Variants in NCKAP5 observed in about 807,000 individuals in gnomAD.
The protein encoded by NCKAP5 is NCK associated protein 5.
In NCKAP5, 92 loss-of-function variants were observed where a neutral mutation model predicts 167.0. The observed-to-expected ratio is 0.55, with a 90% confidence interval of 0.47 to 0.66. The LOEUF is 0.66. NCKAP5 is among the 30% of genes least tolerant of loss of function. NCKAP5 has a pLI of 0.00. For synonymous variants in NCKAP5, 891 were observed against 877.4 expected, an observed-to-expected ratio of 1.02 and a Z score of -0.27; for missense variants, 2,378 against 2,315.0, an observed-to-expected ratio of 1.03 and a Z score of -0.56.
At chr2:132,741,466 A>T (rs1002232535) in intron 16 of NCKAP5, among the ~76,000 whole-genome samples, 1 of 152,122 alleles carries the variant, frequency 6.6e-6, no homozygotes, top group Non-Finnish European at 1.5e-5. Flanking sequence ...TGACAAGGTC[A>T]TCTGACTTAG....
At chr2:133,450,864 TA>T (rs1691507210) in intron 3 of NCKAP5, among the ~76,000 whole-genome samples, 1 of 152,112 alleles carries the variant, frequency 6.6e-6, no homozygotes. Context: ...TCCACCAGGG[TA>T]AAATGAGAAA....
At chr2:133,203,076 A>C (rs2085774550) in intron 5 of NCKAP5, among the ~76,000 whole-genome samples, 1 of 152,178 alleles carries the variant, frequency 6.6e-6, no homozygotes, top group Non-Finnish European at 1.5e-5. Context: ...TGCTGCTGTA[A>C]AGTCACATGC....
chr2:132,731,481 T>G (rs75901778), intron 17 of NCKAP5, among the ~76,000 whole-genome samples: 2,591 of 152,336 alleles, frequency 0.017, 31 homozygotes, highest in Middle Eastern at 0.048. Context: ...ATGGCTTTTT[T>G]CTTAATCAGT....
intron 2 of NCKAP5, among the ~76,000 whole-genome samples, chr2:133,547,200 T>C (rs1686788348): frequency 1.3e-5 from 2 of 152,056 alleles, no homozygotes; most frequent in African/African-American, 2.4e-5. Flanking sequence ...CACGAGATTA[T>C]ATCACACACC....
intron 3 of NCKAP5, among the ~76,000 whole-genome samples, chr2:133,320,695 T>C (rs1336456788): frequency 6.6e-6 from 1 of 151,848 alleles, no homozygotes; most frequent in Non-Finnish European, 1.5e-5. Flanking sequence ...ACCACTGCAC[T>C]CCAGCGAGAC....
the NCKAP5 span, among the ~76,000 whole-genome samples, chr2:133,661,540 T>C: frequency 6.6e-6 from 1 of 152,192 alleles, no homozygotes; most frequent in East Asian, 1.9e-4. Context: ...AGCTACATCC[T>C]TCAGATATTT....
At chr2:132,861,150 A>G (rs1057087060) in intron 10 of NCKAP5, among the ~76,000 whole-genome samples, 3 of 152,178 alleles carry the variant, frequency 2.0e-5, no homozygotes, top group Non-Finnish European at 4.4e-5. Flanking sequence ...TTAAAAGGCC[A>G]CTTGCCACTT....
intron 11 of NCKAP5, among the ~76,000 whole-genome samples, chr2:132,820,961 A>G (rs971364108): frequency 8.5e-5 from 13 of 152,208 alleles, no homozygotes; most frequent in African/African-American, 3.1e-4. Flanking sequence ...AGTCTGAAAC[A>G]GGGTCATCTA....
At chr2:132,847,707 A>G (rs1402265652) in intron 11 of NCKAP5, among the ~76,000 whole-genome samples, 2 of 152,232 alleles carry the variant, frequency 1.3e-5, no homozygotes, top group Admixed American at 1.3e-4. Flanking sequence ...TCAAAAAATC[A>G]AAAGTCATTG....
chr2:133,497,219 T>G (rs1682025535), intron 3 of NCKAP5, among the ~76,000 whole-genome samples: 1 of 152,256 alleles, frequency 6.6e-6, no homozygotes, highest in South Asian at 2.1e-4. Context: ...GTGTCTCATC[T>G]ACATTCAAGG....
the NCKAP5 span, among the ~76,000 whole-genome samples, chr2:133,594,854 G>A: frequency 6.0e-5 from 9 of 150,464 alleles, no homozygotes; most frequent in Non-Finnish European, 1.2e-4. Context: ...ACACTGCTGA[G>A]TTGCTGAGTT....
At chr2:132,914,230 T>C (rs931925086) in intron 8 of NCKAP5, among the ~76,000 whole-genome samples, 2 of 152,184 alleles carry the variant, frequency 1.3e-5, no homozygotes, top group African/African-American at 4.8e-5. Flanking sequence ...AAAGAAACTT[T>C]ATAATAAAAT....
chr2:133,215,035 AAGGCAC>A (rs2086366836), intron 4 of NCKAP5, among the ~76,000 whole-genome samples: 1 of 152,180 alleles, frequency 6.6e-6, no homozygotes, highest in Admixed American at 6.5e-5. Context: ...TAAATACCTA[AAGGCAC>A]AGACTAGAAG....
the NCKAP5 span, among the ~76,000 whole-genome samples, chr2:133,609,372 G>T: frequency 6.6e-6 from 1 of 152,164 alleles, no homozygotes; most frequent in Admixed American, 6.5e-5. Flanking sequence ...TATGTTCACG[G>T]TTTTGTTTTT....
At chr2:133,201,093 G>T (rs1264506164) in intron 5 of NCKAP5, among the ~76,000 whole-genome samples, 1 of 152,074 alleles carries the variant, frequency 6.6e-6, no homozygotes, top group Non-Finnish European at 1.5e-5. Context: ...AGTAAAATAG[G>T]TGTTCCTTGG....
chr2:133,044,759 T>C (rs1427337141), intron 6 of NCKAP5, among the ~76,000 whole-genome samples: 1 of 152,174 alleles, frequency 6.6e-6, no homozygotes. Flanking sequence ...CACATGCGCT[T>C]AAGGAGACAT....
intron 19 of NCKAP5, among the ~76,000 whole-genome samples, chr2:132,688,323 T>C (rs1275559170): frequency 6.6e-6 from 1 of 152,194 alleles, no homozygotes; most frequent in Non-Finnish European, 1.5e-5. Flanking sequence ...TTTACATATT[T>C]ATTAAAAATT....
intron 5 of NCKAP5, among the ~76,000 whole-genome samples, chr2:133,206,336 A>C (rs1302039937): frequency 6.6e-6 from 1 of 152,212 alleles, no homozygotes; most frequent in Non-Finnish European, 1.5e-5. Context: ...GAAGAACATA[A>C]ATTGTGAAGA....
intron 6 of NCKAP5, among the ~76,000 whole-genome samples, chr2:133,002,758 C>T (rs986592545): frequency 1.3e-5 from 2 of 152,166 alleles, no homozygotes; most frequent in African/African-American, 4.8e-5. Flanking sequence ...GTTGTTTATG[C>T]TATCCATAGG....
Sources: gnomAD v4.1 joint callset for allele counts (sites outside exome capture counted in the v4.1 genomes callset) on GRCh38, gnomAD v4.1.1 for gene constraint, MANE v1.5 for transcripts, NCBI Gene and HGNC (gene_info 2026-07-23, HGNC 2026-07-21) for gene names.